The following IGF1R variants were observed in gnomAD, a reference collection of about 807,000 sequenced individuals.
The protein encoded by IGF1R is insulin-like growth factor 1 receptor.
In IGF1R, 44 loss-of-function variants were observed where a neutral mutation model predicts 144.6. That is an observed-to-expected ratio of 0.30 (90% CI 0.24 to 0.39). The LOEUF is 0.39. IGF1R is among the 10% of genes least tolerant of loss of function. IGF1R has a pLI of 1.00. For synonymous variants in IGF1R, 795 were observed against 722.8 expected (o/e 1.10, Z -1.60); for missense variants, 1,355 against 1,833.7 (o/e 0.74, Z 4.77).
intron 2 of IGF1R, among the ~76,000 whole-genome samples, chr15:98,726,425 A>G (rs1315823657): frequency 6.6e-6 from 1 of 152,198 alleles, no homozygotes; most frequent in Non-Finnish European, 1.5e-5. Flanking sequence ...TGCTCTAGTC[A>G]AGAAACTTTT....
intron 2 of IGF1R, among the ~76,000 whole-genome samples, chr15:98,739,940 G>T (rs1226504719): frequency 6.6e-6 from 1 of 152,164 alleles, no homozygotes; most frequent in Non-Finnish European, 1.5e-5. Context: ...ATCTGAACAG[G>T]ATTCCTGTGA....
chr15:98,723,167 T>C (rs1450581811), intron 2 of IGF1R, among the ~76,000 whole-genome samples: 1 of 152,134 alleles, frequency 6.6e-6, no homozygotes, highest in Admixed American at 6.5e-5. Flanking sequence ...CCTCTCTTTT[T>C]ATTCCACGCT....
In IGF1R at chr15:98,963,800, ATTT is replaced by A. The variant is rs1209028399; in HGVS notation, c.*6361_*6363del. ...ATACGTATTTCCAATACAGAAAAGA[ATTT>A]TTAATAAAAACTATAACATACACAA... is the stretch of plus-strand genomic sequence containing the variant. On this transcript the variant is annotated 3_prime_UTR_variant, in exon 21 of 21. Transcript: ENST00000650285. The A allele has an allele frequency of 2.1e-5, 5 of 233,004 alleles. No individual in the cohort carries two copies. The highest frequency in any genetic ancestry group is 4.4e-5 in the African/African-American group (2 of 45,448). The allele number at this position is 233,004 out of a possible 1,614,324, so 14.4% of individuals were successfully genotyped here.
chr15:98,852,398 A>G (rs1269676386), intron 2 of IGF1R, among the ~76,000 whole-genome samples: 2 of 152,160 alleles, frequency 1.3e-5, no homozygotes, highest in Admixed American at 1.3e-4. Context: ...TCCACTCCGA[A>G]TAACACGCCA....
intron 5 of IGF1R, among the ~76,000 whole-genome samples, chr15:98,901,867 G>A (rs938725701): frequency 6.6e-6 from 1 of 152,198 alleles, no homozygotes; most frequent in Non-Finnish European, 1.5e-5. Flanking sequence ...AAGGCAACGA[G>A]TTGGGGCATC....
intron 2 of IGF1R, among the ~76,000 whole-genome samples, chr15:98,857,241 C>T (rs1047534754): frequency 3.9e-5 from 6 of 152,118 alleles, no homozygotes; most frequent in Admixed American, 1.3e-4. Context: ...TTAATTGAGA[C>T]AGAGTCTCAC....
chr15:98,719,354 CT>C (rs45621532), intron 2 of IGF1R, among the ~76,000 whole-genome samples: 5,830 of 152,260 alleles, frequency 0.038, 371 homozygotes, highest in African/African-American at 0.13. Context: ...TGCCTTACCC[CT>C]GGCCATTCTT....
chr15:98,870,243 T>C (rs1228579280), intron 2 of IGF1R, among the ~76,000 whole-genome samples: 5 of 152,238 alleles, frequency 3.3e-5, no homozygotes, highest in Admixed American at 2.6e-4. Flanking sequence ...GTTGTACCTA[T>C]TAAACAGTAA....
intron 2 of IGF1R, among the ~76,000 whole-genome samples, chr15:98,790,173 C>G (rs1436466962): frequency 6.6e-6 from 1 of 152,048 alleles, no homozygotes; most frequent in Non-Finnish European, 1.5e-5. Context: ...TGTGAGGTGG[C>G]CCAGCTTATC....
chr15:98,756,249 G>GT (rs35407450), intron 2 of IGF1R, among the ~76,000 whole-genome samples: 1,690 of 142,148 alleles, frequency 0.012, 15 homozygotes, highest in African/African-American at 0.028. Flanking sequence ...GAAATAACCT[G>GT]TTTTTTTTTT....
intron 2 of IGF1R, among the ~76,000 whole-genome samples, chr15:98,831,658 G>T (rs1239082367): frequency 6.6e-6 from 1 of 152,176 alleles, no homozygotes; most frequent in Non-Finnish European, 1.5e-5. Context: ...CAAGAAAATG[G>T]CCAGATGGTT....
intron 2 of IGF1R, among the ~76,000 whole-genome samples, chr15:98,831,739 T>C (rs924536999): frequency 6.6e-5 from 10 of 152,112 alleles, no homozygotes; most frequent in African/African-American, 2.4e-4. Context: ...TCAGGGAAAA[T>C]GAATATTTCC....
At chr15:98,722,665 T>G (rs2141282978) in intron 2 of IGF1R, among the ~76,000 whole-genome samples, 1 of 152,286 alleles carries the variant, frequency 6.6e-6, no homozygotes, top group Non-Finnish European at 1.5e-5. Flanking sequence ...GTGGCTCTGT[T>G]TTCTGATGGA....
intron 1 of IGF1R, among the ~76,000 whole-genome samples, chr15:98,706,967 A>G (rs575646558): frequency 6.6e-6 from 1 of 152,124 alleles, no homozygotes; most frequent in South Asian, 2.1e-4. Flanking sequence ...CTTTATGTCT[A>G]CATTAATGCA....
intron 2 of IGF1R, among the ~76,000 whole-genome samples, chr15:98,742,627 A>G (rs558791402): frequency 7.9e-5 from 12 of 152,212 alleles, no homozygotes; most frequent in Non-Finnish European, 1.2e-4. Flanking sequence ...TTAGCATACA[A>G]TTTGCTGAAG....
intron 2 of IGF1R, among the ~76,000 whole-genome samples, chr15:98,850,593 T>C (rs531853470): frequency 1.3e-5 from 2 of 152,338 alleles, no homozygotes; most frequent in South Asian, 2.1e-4. Context: ...TTGTGGCATG[T>C]TGCCAAGGGA....
At chr15:98,855,428 G>C (rs2011755738) in intron 2 of IGF1R, among the ~76,000 whole-genome samples, 1 of 152,234 alleles carries the variant, frequency 6.6e-6, no homozygotes, top group African/African-American at 2.4e-5. Context: ...CTTAGGAAGT[G>C]AGTTATTACA....
chr15:98,661,462 T>C (rs1449670959), intron 1 of IGF1R, among the ~76,000 whole-genome samples: 1 of 152,194 alleles, frequency 6.6e-6, no homozygotes, highest in African/African-American at 2.4e-5. Flanking sequence ...TTGCAGAAAA[T>C]GTAAACATAA....
In IGF1R at chr15:98,761,018, G is replaced by A. The variant is rs2141352052; in HGVS notation, c.640+52911G>A. Among the ~76,000 whole-genome samples, 3 of 152,356 alleles carry A rather than the reference G, an allele frequency of 2.0e-5. No individual in the cohort carries two copies. In the Middle Eastern group the frequency reaches 0.01, roughly 518 times the overall value. On this transcript the variant is annotated intron_variant, in intron 2 of 20. Transcript: ENST00000650285. ...AAACTGGAGATGAGTTTAGCACAGAGCTTTGTAGATTGTTGTCCTCTTGGT... is the reference window on the plus strand; with the variant it reads ...AAACTGGAGATGAGTTTAGCACAGAACTTTGTAGATTGTTGTCCTCTTGGT...
Sources: gnomAD v4.1 joint callset for allele counts (sites outside exome capture counted in the v4.1 genomes callset) on GRCh38, gnomAD v4.1.1 for gene constraint, MANE v1.5 for transcripts, NCBI Gene and HGNC (gene_info 2026-07-23, HGNC 2026-07-21) for gene names.